CELF2: variants seen among roughly 807,000 people sequenced by gnomAD.
CELF2 encodes CUGBP Elav-like family member 2.
A neutral mutation model predicts 62.6 loss-of-function variants in CELF2; 8 were observed. The ratio of observed to expected loss-of-function variants is 0.13; its 90% CI spans 0.07 to 0.23. CELF2 has a LOEUF of 0.23. CELF2 is among the 10% of genes least tolerant of loss of function. The pLI, the probability that CELF2 is intolerant of heterozygous loss-of-function variation, is 1.00. For synonymous variants in CELF2, 258 were observed against 250.0 expected (o/e 1.03, Z -0.30); for missense variants, 333 against 671.0 (o/e 0.50, Z 5.56).
At chr10:10,674,334 A>G in the CELF2 span, among the ~76,000 whole-genome samples, 1 of 151,620 alleles carries the variant, frequency 6.6e-6, no homozygotes, top group Non-Finnish European at 1.5e-5. Context: ...TCATACAGCA[A>G]CTCCTGCTTT....
intron 1 of CELF2, among the ~76,000 whole-genome samples, chr10:11,037,597 A>G (rs2061166137): frequency 6.6e-6 from 1 of 152,200 alleles, no homozygotes; most frequent in Admixed American, 6.5e-5. Flanking sequence ...CAAGCTGGCC[A>G]CAGCCCCATG....
chr10:10,545,350 A>G, the CELF2 span, among the ~76,000 whole-genome samples: 2 of 152,168 alleles, frequency 1.3e-5, no homozygotes, highest in African/African-American at 4.8e-5. Context: ...TCAACATTCT[A>G]TTTAACCTAG....
Position 11,145,764 on chromosome 10 carries a change from T to C in CELF2, c.75-19722T>C, listed in dbSNP as rs1426696943. 6.6e-6 allele frequency among the ~76,000 whole-genome samples: 1 copy of C among 152,350 alleles called. No individual in the cohort carries two copies. Among genetic ancestry groups the C allele is most frequent in the Middle Eastern group, 3.4e-3 (1 of 294 alleles). ...AAGTTGCTTCATTTATTTTTCTTTT[T>C]TTAGTGTCATTACCAGTATTGGTTG... On this transcript the variant is annotated intron_variant, in intron 1 of 12. Transcript: ENST00000633077. This position sits in a 1 kb window ranked among gnomAD's most constrained non-coding sequence, Gnocchi z 4.3.
At chr10:11,019,552 C>T (rs1007492684) in intron 1 of CELF2, among the ~76,000 whole-genome samples, 2 of 151,986 alleles carry the variant, frequency 1.3e-5, no homozygotes, top group African/African-American at 4.8e-5. Context: ...TTGAGAAACT[C>T]TGCAGTGGCC....
intron 1 of CELF2, among the ~76,000 whole-genome samples, chr10:10,826,274 T>C (rs2057382240): frequency 2.0e-5 from 3 of 152,284 alleles, no homozygotes; most frequent in East Asian, 1.9e-4. Flanking sequence ...TCAAGGATCA[T>C]GGAGGCTGTG....
the CELF2 span, among the ~76,000 whole-genome samples, chr10:10,569,458 G>A: frequency 6.6e-6 from 1 of 152,098 alleles, no homozygotes; most frequent in Non-Finnish European, 1.5e-5. Flanking sequence ...CTCCAACGGG[G>A]TCCCTCCCAC....
chr10:10,651,885 G>A, the CELF2 span, among the ~76,000 whole-genome samples: 27,346 of 148,832 alleles, frequency 0.18, 2,725 homozygotes, highest in Non-Finnish European at 0.26. Flanking sequence ...TGACTTTGAC[G>A]AGCTGAGAGA....
At chr10:10,569,434 C>T in the CELF2 span, among the ~76,000 whole-genome samples, 1 of 152,138 alleles carries the variant, frequency 6.6e-6, no homozygotes, top group Admixed American at 6.5e-5. Flanking sequence ...AAACTGTCCT[C>T]ATAATTTAAT....
At chr10:10,853,331 A>G (rs868610284) in intron 1 of CELF2, among the ~76,000 whole-genome samples, 1 of 152,116 alleles carries the variant, frequency 6.6e-6, no homozygotes, top group Non-Finnish European at 1.5e-5. Context: ...GGTTGCTGTA[A>G]TAACTGGCTT....
At chr10:10,567,057 A>G in the CELF2 span, among the ~76,000 whole-genome samples, 2 of 152,220 alleles carry the variant, frequency 1.3e-5, no homozygotes, top group African/African-American at 2.4e-5. Flanking sequence ...ATGTTTATGC[A>G]GAAAAGGACA....
At chr10:10,992,554 A>C (rs2053547800) in intron 2 of CELF2, among the ~76,000 whole-genome samples, 1 of 152,190 alleles carries the variant, frequency 6.6e-6, no homozygotes, top group African/African-American at 2.4e-5. Flanking sequence ...TCTAACACAA[A>C]ATTTGTGCCA....
rs1422197220 is a variant in CELF2 at position 11,157,635 on chromosome 10, C to T, written c.75-7851C>T. ...AGGACATAAATGACCTATTTTTCAG[C>T]TCTCTCACCTTCAAACCTACCACTG... On this transcript the variant is annotated intron_variant, in intron 1 of 12. Coordinates refer to ENST00000633077, the MANE Select transcript of CELF2 (RefSeq NM_001326342.2). The surrounding 1 kb of genome is among the most constrained non-coding windows in gnomAD (Gnocchi z 4.9). Among the ~76,000 whole-genome samples the T allele has an allele frequency of 6.6e-6, 1 of 152,180 alleles. No homozygotes were observed. Among genetic ancestry groups the T allele is most frequent in the Admixed American group, 6.5e-5 (1 of 15,280 alleles).
At chr10:10,559,464 A>G in the CELF2 span, among the ~76,000 whole-genome samples, 2 of 152,252 alleles carry the variant, frequency 1.3e-5, no homozygotes, top group South Asian at 2.1e-4. Flanking sequence ...AGCGTTTGAC[A>G]TATACTAGCT....
intron 1 of CELF2, among the ~76,000 whole-genome samples, chr10:11,091,130 G>A (rs2048203394): frequency 6.6e-6 from 1 of 152,166 alleles, no homozygotes; most frequent in African/African-American, 2.4e-5. Context: ...CCTATGGTAT[G>A]AATGTTTGAT....
rs765790385 is a variant in CELF2 at position 11,270,871 on chromosome 10, G to A, written c.777+47G>A. ...CGTGGTCTTCACCCGCTGAAACTCT[G>A]CAAACTGACTTTTCCCCTCCCTACG... On this transcript the variant is annotated intron_variant, in intron 7 of 12. Coordinates refer to ENST00000633077, the MANE Select transcript of CELF2 (RefSeq NM_001326342.2). This position sits in a 1 kb window ranked among gnomAD's most constrained non-coding sequence, Gnocchi z 5.8. 3 of 1,332,586 alleles carry A rather than the reference G, an allele frequency of 2.3e-6. No individual in the cohort carries two copies. Among genetic ancestry groups the A allele is most frequent in the African/African-American group, 3.0e-5 (2 of 66,534 alleles). 82.5% of individuals were successfully genotyped at this position (1,332,586 alleles called of 1,614,324 possible).
the CELF2 span, among the ~76,000 whole-genome samples, chr10:10,543,262 A>G: frequency 6.6e-6 from 1 of 152,188 alleles, no homozygotes; most frequent in Non-Finnish European, 1.5e-5. Context: ...GGCCAAGGTT[A>G]CAGCTGCTAA....
At chr10:10,569,539 TAA>T in the CELF2 span, among the ~76,000 whole-genome samples, 1 of 152,168 alleles carries the variant, frequency 6.6e-6, no homozygotes, top group Non-Finnish European at 1.5e-5. Flanking sequence ...ACCCTATCAG[TAA>T]AGGATAAAAT....
At chr10:11,221,436 G>A (rs1359273667) in intron 3 of CELF2, among the ~76,000 whole-genome samples, 2 of 152,152 alleles carry the variant, frequency 1.3e-5, no homozygotes, top group Non-Finnish European at 2.9e-5. Context: ...ACTTACCTGA[G>A]GCCCAGAAAA....
intron 2 of CELF2, among the ~76,000 whole-genome samples, chr10:10,962,066 C>CA (rs575208658): frequency 4.2e-5 from 6 of 142,332 alleles, no homozygotes; most frequent in Non-Finnish European, 9.2e-5. Flanking sequence ...CCCATCTCTA[C>CA]AAAAAAAGAA....
Sources: gnomAD v4.1 joint callset for allele counts (sites outside exome capture counted in the v4.1 genomes callset) on GRCh38, gnomAD v4.1.1 for gene constraint, Gnocchi (gnomAD v3.1) non-coding constraint, MANE v1.5 for transcripts, NCBI Gene and HGNC (gene_info 2026-07-23, HGNC 2026-07-21) for gene names.